Variants in OR5H1 observed in about 807,000 individuals in gnomAD.
The protein encoded by OR5H1 is olfactory receptor 5H1.
For synonymous variants in OR5H1, 124 were observed against 134.4 expected (o/e 0.92, Z 0.54); for missense variants, 378 against 366.8 (o/e 1.03, Z -0.25).
rs1708329557 is a variant in OR5H1, at chr3:98,137,084, T to A, written c.*3445T>A. The A allele has an allele frequency of 6.6e-6, 1 of 152,160 alleles. No homozygotes were observed. Among genetic ancestry groups the A allele is most frequent in the Non-Finnish European group, 1.5e-5 (1 of 68,030 alleles). 9.4% of individuals were successfully genotyped at this position (152,160 alleles called of 1,614,324 possible). A position where few individuals can be genotyped will look rare whatever the true frequency, so the allele number is the denominator to read the frequency against. ...CAATGTGACATTCCAGTCACAGTAG[T>A]GGTAATATAACCATAATTATGTTAT... is the stretch of plus-strand genomic sequence containing the variant. On this transcript the variant is annotated 3_prime_UTR_variant, in exon 2 of 2. Transcript: ENST00000641874.
chr3:98,135,483 C>T lies in OR5H1; in HGVS notation c.*1844C>T, dbSNP rs1708307367. Reference sequence around the variant, plus strand: ...ACTAAAACTCAGGCATACTTGCACTCTCTGTGGCCAGCACAGCTGGTTTGT... The same window carrying T: ...ACTAAAACTCAGGCATACTTGCACTTTCTGTGGCCAGCACAGCTGGTTTGT... On this transcript the variant is annotated 3_prime_UTR_variant, in exon 2 of 2. Transcript: ENST00000641874. 1 of 152,184 alleles carries T rather than the reference C, an allele frequency of 6.6e-6. No homozygotes were observed. Among genetic ancestry groups the T allele is most frequent in the African/African-American group, 2.4e-5 (1 of 41,446 alleles). 9.4% of individuals were successfully genotyped at this position (152,184 alleles called of 1,614,324 possible).
In OR5H1 at chr3:98,132,972, T is replaced by C. The variant is rs1318912380; in HGVS notation, c.275T>C (p.Ile92Thr). 3 of 1,613,626 alleles carry C rather than the reference T, an allele frequency of 1.9e-6. No homozygotes were observed. Among genetic ancestry groups the C allele is most frequent in the East Asian group, 2.2e-5 (1 of 44,872 alleles). ...AACTTCTTAGCTAAGAGTAAGATGATATCTCTCTCTGAATGCAAGATACAG... is the reference window on the plus strand; with the variant it reads ...AACTTCTTAGCTAAGAGTAAGATGACATCTCTCTCTGAATGCAAGATACAG... Reference protein sequence around the residue: ...LNNFLAKSKMISLSECKIQFF... With the variant: ...LNNFLAKSKMTSLSECKIQFF... The change falls in exon 2 of 2, where the codon ATA (isoleucine) becomes ACA (threonine). Residue 92 changes from isoleucine (I) to threonine (T), a missense_variant. Physicochemically the swap from Ile to Thr is moderately conservative, Grantham distance 89. Coordinates refer to ENST00000641874, the MANE Select transcript of OR5H1 (RefSeq NM_001005338.2).
In OR5H1 at chr3:98,134,084, C is replaced by T. The variant is rs1230539212; in HGVS notation, c.*445C>T. ...GATTCTGCTAACCATCAAGGTCTTC[C>T]ATTTCATTATATTAGGAAAGGGTGA... is the stretch of plus-strand genomic sequence containing the variant. On this transcript the variant is annotated 3_prime_UTR_variant, in exon 2 of 2. Transcript: ENST00000641874. The T allele has an allele frequency of 1.9e-5, 3 of 157,942 alleles. No individual in the cohort carries two copies. The highest frequency in any genetic ancestry group is 4.8e-5 in the African/African-American group (2 of 41,428). 9.8% of individuals were successfully genotyped at this position (157,942 alleles called of 1,614,324 possible).
chr3:98,137,757 A>G lies in OR5H1; in HGVS notation c.*4118A>G, dbSNP rs1708336383. The stretch of plus-strand genomic sequence containing the variant: ...TCAATGACTATTGATAATTTAATCA[A>G]CTGTGTGAAACTCTAAGGGTTTAAT... On this transcript the variant is annotated 3_prime_UTR_variant, in exon 2 of 2. Coordinates refer to ENST00000641874, the MANE Select transcript of OR5H1 (RefSeq NM_001005338.2). 1 of 152,214 alleles carries G rather than the reference A, an allele frequency of 6.6e-6. No individual in the cohort carries two copies. Among genetic ancestry groups the G allele is most frequent in the Non-Finnish European group, 1.5e-5 (1 of 68,028 alleles). 9.4% of individuals were successfully genotyped at this position (152,214 alleles called of 1,614,324 possible).
rs1174596482 is a variant in OR5H1 at position 98,130,855 on chromosome 3, G to A, written c.-19+5G>A. On this transcript the variant is annotated splice_donor_5th_base_variant and intron_variant, in intron 1 of 1. Transcript: ENST00000641874. ...ACAATTTCCTTCAATATATGGGTAA[G>A]GAAGAAATAACTTCTCTAATTTTTA... 3 of 152,050 alleles carry A rather than the reference G, an allele frequency of 2.0e-5. No individual in the cohort carries two copies. The highest frequency in any genetic ancestry group is 7.2e-5 in the African/African-American group (3 of 41,422). The allele number at this position is 152,050 out of a possible 1,614,324, so 9.4% of individuals were successfully genotyped here.
chr3:98,133,100 A>G lies in OR5H1; in HGVS notation c.403A>G (p.Ile135Val), dbSNP rs749370687. Reference sequence around the variant, plus strand: ...ATGCAAACCTTTACTTTATCCAGCCATTATGACCAATGGACTGTGCATCCG... The same window carrying G: ...ATGCAAACCTTTACTTTATCCAGCCGTTATGACCAATGGACTGTGCATCCG... The part of the protein sequence containing the change: ...AICKPLLYPA[I>V]MTNGLCIRLL... Residue 135 changes from isoleucine to valine, a missense_variant, in exon 2 of 2, where the codon ATT (isoleucine) becomes GTT (valine). Ile to Val is a conservative substitution (Grantham distance 29). Coordinates refer to ENST00000641874, the MANE Select transcript of OR5H1 (RefSeq NM_001005338.2). 9.9e-6 allele frequency: 16 copies of G among 1,613,516 alleles called. No homozygotes were observed. The highest frequency in any genetic ancestry group is 8.3e-5 in the Admixed American group (5 of 59,958).
rs937529751 is a variant in OR5H1, at chr3:98,138,471, C to G, written c.*4832C>G. The G allele has an allele frequency of 5.9e-5, 9 of 152,186 alleles. No individual in the cohort carries two copies. The highest frequency in any genetic ancestry group is 2.2e-4 in the African/African-American group (9 of 41,434). The allele number at this position is 152,186 out of a possible 1,614,324, so 9.4% of individuals were successfully genotyped here. On this transcript the variant is annotated 3_prime_UTR_variant, in exon 2 of 2. Transcript: ENST00000641874. ...TATAAAACAATATGAGAGGGTCTCT[C>G]TCTTCCCTCATCAGTCAGTCATCAT...
intron 1 of OR5H1, 112 bp from the exon 2 acceptor site, chr3:98,132,568 A>G: frequency 8.2e-7 from 1 of 1,223,632 alleles, no homozygotes. Context: ...GGACTGATCA[A>G]AAAATTGAGA....
Position 98,137,223 on chromosome 3 carries a change from A to G in OR5H1, c.*3584A>G, listed in dbSNP as rs1708330881. ...AGAGGTCAGCTAAGGAGAAGAAGGT[A>G]AACGTATTAATTCTGTTTACAAAAG... On this transcript the variant is annotated 3_prime_UTR_variant, in exon 2 of 2. Transcript: ENST00000641874. 1 of 152,222 alleles carries G rather than the reference A, an allele frequency of 6.6e-6. No individual in the cohort carries two copies. Among genetic ancestry groups the G allele is most frequent in the African/African-American group, 2.4e-5 (1 of 41,464 alleles). The allele number at this position is 152,222 out of a possible 1,614,324, so 9.4% of individuals were successfully genotyped here. A position where few individuals can be genotyped will look rare whatever the true frequency, so the allele number is the denominator to read the frequency against.
rs1378979268 is a variant in OR5H1, at chr3:98,132,876, A to T, written c.179A>T (p.Tyr60Phe). ...WKDPHLHIPM[Y>F]LLLGNLAFVD... ...GACCCTCACCTTCATATCCCAATGT[A>T]CTTACTCCTTGGGAATTTAGCTTTT... is the stretch of plus-strand genomic sequence containing the variant. The change falls in exon 2 of 2, where the codon TAC (tyrosine) becomes TTC (phenylalanine). Residue 60 changes from tyrosine to phenylalanine, a missense_variant. Physicochemically the swap from Tyr to Phe is conservative, Grantham distance 22 (BLOSUM62 3). Coordinates refer to ENST00000641874, the MANE Select transcript of OR5H1 (RefSeq NM_001005338.2). The T allele has an allele frequency of 1.2e-5, 19 of 1,613,448 alleles. No homozygotes were observed. Among genetic ancestry groups the T allele is most frequent in the Non-Finnish European group, 1.5e-5 (18 of 1,179,552 alleles).
In OR5H1 at chr3:98,135,772, T is replaced by A. The variant is rs965485712; in HGVS notation, c.*2133T>A. The A allele has an allele frequency of 1.3e-5, 2 of 152,064 alleles. No individual in the cohort carries two copies. Among genetic ancestry groups the A allele is most frequent in the Non-Finnish European group, 2.9e-5 (2 of 67,996 alleles). The allele number at this position is 152,064 out of a possible 1,614,324, so 9.4% of individuals were successfully genotyped here. A position where few individuals can be genotyped will look rare whatever the true frequency, so the allele number is the denominator to read the frequency against. On this transcript the variant is annotated 3_prime_UTR_variant, in exon 2 of 2. Coordinates refer to ENST00000641874, the MANE Select transcript of OR5H1 (RefSeq NM_001005338.2). The stretch of plus-strand genomic sequence containing the variant: ...ACAAAACCAACTGAAATAAACCAAA[T>A]GAAAATAATAAAAGGTTAATGGTTA...
At position 98,135,936 on chromosome 3, in the gene OR5H1, G is replaced by A. The variant is rs528768069; in HGVS notation, c.*2297G>A. On this transcript the variant is annotated 3_prime_UTR_variant, in exon 2 of 2. Coordinates refer to ENST00000641874, the MANE Select transcript of OR5H1 (RefSeq NM_001005338.2). Reference sequence around the variant, plus strand: ...AATTTTTCTGTTTTTTAGTCTGAATGTCTTTTGTCATGTCATTGAATGTTT... The same window carrying A: ...AATTTTTCTGTTTTTTAGTCTGAATATCTTTTGTCATGTCATTGAATGTTT... 2 of 152,294 alleles carry A rather than the reference G, an allele frequency of 1.3e-5. No individual in the cohort carries two copies. Among genetic ancestry groups the A allele is most frequent in the East Asian group, 1.9e-4 (1 of 5,184 alleles). 9.4% of individuals were successfully genotyped at this position (152,294 alleles called of 1,614,324 possible).
rs1708270481 is a variant in OR5H1 at position 98,132,816 on chromosome 3, T to C, written c.119T>C (p.Met40Thr). ...AFLVIYLITI[M>T]GNLGLIAVIW... ...TTGGTAATATATCTCATCACCATCA[T>C]GGGGAATCTTGGTCTGATTGCTGTC... Residue 40 changes from methionine (M) to threonine (T), a missense_variant, in exon 2 of 2, where the codon ATG becomes ACG. Met to Thr is a moderately conservative substitution (Grantham distance 81). Transcript: ENST00000641874. The C allele has an allele frequency of 5.0e-6, 8 of 1,613,586 alleles. 1 individual carries two copies. In the East Asian group the frequency reaches 1.3e-4, roughly 27 times the overall value.
rs770278660 is a variant in OR5H1, at chr3:98,133,544, C to T, written c.847C>T (p.Pro283Ser). Residue 283 changes from proline to serine, a missense_variant, in exon 2 of 2, where the codon CCT becomes TCT. Transcript: ENST00000641874. ...GCCTCTATTCTACACTGTCATCATT[C>T]CTTTGTTAAATCCTATCATCTACAG... ...VEPLFYTVII[P>S]LLNPIIYSLR... is the part of the protein sequence containing the mutation. 3 of 1,613,156 alleles carry T rather than the reference C, an allele frequency of 1.9e-6. No individual in the cohort carries two copies. Among genetic ancestry groups the T allele is most frequent in the Non-Finnish European group, 8.5e-7 (1 of 1,179,456 alleles).
rs554939101 is a variant in OR5H1 at position 98,138,200 on chromosome 3, G to A, written c.*4561G>A. ...GGTCGTGATCGATTGAGCAAGCCAG[G>A]GGGTACGTGACAGGGGCTGCGAGCA... is the stretch of plus-strand genomic sequence containing the variant. On this transcript the variant is annotated 3_prime_UTR_variant, in exon 2 of 2. Coordinates refer to ENST00000641874, the MANE Select transcript of OR5H1 (RefSeq NM_001005338.2). 1 of 152,164 alleles carries A rather than the reference G, an allele frequency of 6.6e-6. No homozygotes were observed. Among genetic ancestry groups the A allele is most frequent in the African/African-American group, 2.4e-5 (1 of 41,456 alleles). 9.4% of individuals were successfully genotyped at this position (152,164 alleles called of 1,614,324 possible).
rs1708302044 is a variant in OR5H1 at position 98,134,981 on chromosome 3, T to C, written c.*1342T>C. ...ATGTATGTTTTAGGTATCTTATATC[T>C]ATATGTATACATATGCATATGTTTA... On this transcript the variant is annotated 3_prime_UTR_variant, in exon 2 of 2. Transcript: ENST00000641874. 6.6e-6 allele frequency: 1 copy of C among 152,176 alleles called. No homozygotes were observed. The highest frequency in any genetic ancestry group is 6.6e-5 in the Admixed American group (1 of 15,256). 9.4% of individuals were successfully genotyped at this position (152,176 alleles called of 1,614,324 possible). A position where few individuals can be genotyped will look rare whatever the true frequency, so the allele number is the denominator to read the frequency against.
intron 1 of OR5H1, 70 bp from the exon 2 acceptor site, chr3:98,132,610 A>T: frequency 1.3e-6 from 2 of 1,539,330 alleles, no homozygotes; most frequent in Non-Finnish European, 1.8e-6. Context: ...TTCCTTCAGC[A>T]CCTCTTCCCC....
rs1199202687 is a variant in OR5H1, at chr3:98,134,754, C to T, written c.*1115C>T. ...AATACTGAAATTCCTTTCACATTCT[C>T]ACTGATACTATTGAGGTCCCTAGCA... On this transcript the variant is annotated 3_prime_UTR_variant, in exon 2 of 2. Coordinates refer to ENST00000641874, the MANE Select transcript of OR5H1 (RefSeq NM_001005338.2). 1.3e-5 allele frequency: 2 copies of T among 152,066 alleles called. No homozygotes were observed. The highest frequency in any genetic ancestry group is 2.9e-5 in the Non-Finnish European group (2 of 67,986). The allele number at this position is 152,066 out of a possible 1,614,324, so 9.4% of individuals were successfully genotyped here.
Position 98,135,024 on chromosome 3 carries a change from A to C in OR5H1, c.*1385A>C, listed in dbSNP as rs1327188997. 6.6e-6 allele frequency: 1 copy of C among 152,164 alleles called. No individual in the cohort carries two copies. The highest frequency in any genetic ancestry group is 1.5e-5 in the Non-Finnish European group (1 of 68,026). The allele number at this position is 152,164 out of a possible 1,614,324, so 9.4% of individuals were successfully genotyped here. ...TATGTTTAGTTTTTCATATGTATAC[A>C]TAGTGATACAAGATATATATTAGTA... is the stretch of plus-strand genomic sequence containing the variant. On this transcript the variant is annotated 3_prime_UTR_variant, in exon 2 of 2. Coordinates refer to ENST00000641874, the MANE Select transcript of OR5H1 (RefSeq NM_001005338.2).
Sources: allele counts gnomAD v4.1 joint callset, GRCh38; gene constraint gnomAD v4.1.1; transcripts MANE v1.5; gene names NCBI Gene and HGNC (gene_info 2026-07-23, HGNC 2026-07-21).